Variants in HERC2 observed in about 807,000 individuals in gnomAD.
HERC2 encodes the protein HECT and RLD domain containing E3 ubiquitin protein ligase 2, also known as E3 ubiquitin-protein ligase HERC2.
A neutral mutation model predicts 537.7 loss-of-function variants in HERC2; 102 were observed. The ratio of observed to expected loss-of-function variants is 0.19; its 90% CI spans 0.16 to 0.22. HERC2 has a LOEUF of 0.22. Among genes scored for constraint, HERC2 ranks in the 10% least tolerant of loss-of-function variants. The pLI, the probability that HERC2 is intolerant of heterozygous loss-of-function variation, is 1.00. For synonymous variants in HERC2, 2,224 were observed against 2,466.2 expected (o/e 0.90, Z 2.91); for missense variants, 4,236 against 6,198.2 (o/e 0.68, Z 10.63).
chr15:28,230,550 A>G, intron 30 of HERC2, 50 bp from the exon 31 acceptor site: 1 of 1,055,418 alleles, frequency 9.5e-7, no homozygotes, highest in Non-Finnish European at 1.4e-6. Context: ...TTAAATATTA[A>G]TTTTAAATTA....
chr15:28,199,379 C>T (rs1197890302), intron 48 of HERC2, among the ~76,000 whole-genome samples: 1 of 152,164 alleles, frequency 6.6e-6, no homozygotes. Flanking sequence ...ACATCACACC[C>T]TAAAAGCCAA....
intron 50 of HERC2, among the ~76,000 whole-genome samples, chr15:28,197,835 G>A (rs1897499110): frequency 6.6e-6 from 1 of 152,152 alleles, no homozygotes; most frequent in Non-Finnish European, 1.5e-5. Flanking sequence ...TACAGAACAC[G>A]AACATCAGGT....
In HERC2 at chr15:28,280,281, T is replaced by C; in HGVS notation, c.329A>G (p.Asn110Ser). 1 of 1,607,144 alleles carries C rather than the reference T, an allele frequency of 6.2e-7. No homozygotes were observed. Among genetic ancestry groups the C allele is most frequent in the South Asian group, 1.1e-5 (1 of 89,582 alleles). Residue 110 changes from asparagine to serine, a missense_variant, in exon 5 of 93, where the codon AAT (asparagine) becomes AGT (serine). Around this residue, in one of 27 missense-constraint regions of HERC2, gnomAD observed 491 missense variants for 559.3 expected, o/e 0.88. Coordinates refer to ENST00000261609, the MANE Select transcript of HERC2 (RefSeq NM_004667.6). ...CACAGAAAGACACTCCTTCAGTTCATTCACATCTAGAAAATAAGACAAGAA... is the reference window on the plus strand; with the variant it reads ...CACAGAAAGACACTCCTTCAGTTCACTCACATCTAGAAAATAAGACAAGAA... The part of the protein sequence containing the change: ...SWVWGKQPDV[N>S]ELKECLSVLV...
At chr15:28,162,691 C>T (rs1168160110) in intron 69 of HERC2, among the ~76,000 whole-genome samples, 2 of 152,082 alleles carry the variant, frequency 1.3e-5, no homozygotes, top group South Asian at 4.2e-4. Context: ...AGATCAAGAC[C>T]ATCCTGGCTA....
At chr15:28,248,347 A>G (rs758383066) in intron 21 of HERC2, among the ~76,000 whole-genome samples, 10 of 152,220 alleles carry the variant, frequency 6.6e-5, no homozygotes, top group Non-Finnish European at 1.3e-4. Context: ...GAATTTAAAT[A>G]TTAAGGCAAC....
chr15:28,274,242 A>C, intron 7 of HERC2, 49 bp downstream of exon 7: 3 of 1,599,930 alleles, frequency 1.9e-6, no homozygotes, highest in East Asian at 2.2e-5. Flanking sequence ...AACCAGCCTC[A>C]AGCAGGCCAG....
At position 28,141,810 on chromosome 15, in the gene HERC2, C is replaced by T. The variant is rs1891254955; in HGVS notation, c.11737G>A (p.Glu3913Lys). The change falls in exon 77 of 93, where the codon GAA (glutamate) becomes AAA (lysine). Residue 3913 changes from glutamate (E) to lysine (K), a missense_variant. Coordinates refer to ENST00000261609, the MANE Select transcript of HERC2 (RefSeq NM_004667.6). ...CTCTCATGCAGAACATCCATGTTTT[C>T]GCTGTCTGCCATTAATTCACGAATT... ...KKIRELMADS[E>K]NMDVLHESHD... 3.1e-6 allele frequency: 5 copies of T among 1,614,142 alleles called. No homozygotes were observed. The highest frequency in any genetic ancestry group is 2.2e-5 in the South Asian group (2 of 91,048).
At chr15:28,305,957 G>T (rs1324385937) in intron 2 of HERC2, among the ~76,000 whole-genome samples, 3 of 152,182 alleles carry the variant, frequency 2.0e-5, no homozygotes, top group Non-Finnish European at 4.4e-5. Flanking sequence ...TCAGAGAAAT[G>T]CAAATCAAAA....
intron 31 of HERC2, among the ~76,000 whole-genome samples, 156 bp from the exon 32 acceptor site, chr15:28,230,003 A>G (rs1015516518): frequency 1.3e-5 from 2 of 152,260 alleles, no homozygotes; most frequent in Non-Finnish European, 1.5e-5. Flanking sequence ...AAATATACTT[A>G]TAAGTGATTT....
At position 28,251,176 on chromosome 15, in the gene HERC2, C is replaced by T. The variant is rs548479494; in HGVS notation, c.3051-2440G>A. 2.6e-5 allele frequency among the ~76,000 whole-genome samples: 4 copies of T among 152,308 alleles called. No homozygotes were observed. In the East Asian group the frequency reaches 7.7e-4, roughly 29 times the overall value. ...TAATAAATGTGGCCAGGTGCAGTGGCTCACACCTGTAATCCCAACACTTTT... is the reference window on the plus strand; with the variant it reads ...TAATAAATGTGGCCAGGTGCAGTGGTTCACACCTGTAATCCCAACACTTTT... On this transcript the variant is annotated intron_variant, in intron 20 of 92. Coordinates refer to ENST00000261609, the MANE Select transcript of HERC2 (RefSeq NM_004667.6).
At chr15:28,273,596 A>G (rs552014319) in intron 7 of HERC2, among the ~76,000 whole-genome samples, 2 of 152,186 alleles carry the variant, frequency 1.3e-5, no homozygotes, top group Non-Finnish European at 2.9e-5. Context: ...TCCAGCGTTA[A>G]AACTCTGTGG....
intron 68 of HERC2, among the ~76,000 whole-genome samples, 199 bp from the exon 69 acceptor site, chr15:28,163,484 C>G (rs887032975): frequency 6.6e-6 from 1 of 152,064 alleles, no homozygotes; most frequent in African/African-American, 2.4e-5. Flanking sequence ...TTTTCAAGAC[C>G]AATTAACTGT....
At chr15:28,276,192 C>CAAAAAAAAA (rs11359639) in intron 5 of HERC2, among the ~76,000 whole-genome samples, 68 of 70,096 alleles carry the variant, frequency 9.7e-4, no homozygotes, top group East Asian at 1.5e-3. Context: ...TCTCAAAAAA[C>CAAAAAAAAA]AAAAAAAAAA....
intron 16 of HERC2, among the ~76,000 whole-genome samples, chr15:28,258,669 C>T (rs1347733117): frequency 5.3e-5 from 8 of 152,008 alleles, no homozygotes; most frequent in Non-Finnish European, 1.0e-4. Flanking sequence ...TCTAAGTTTC[C>T]GCCTTAAGAA....
intron 4 of HERC2, among the ~76,000 whole-genome samples, chr15:28,286,793 T>C (rs1158501795): frequency 6.6e-6 from 1 of 152,164 alleles, no homozygotes; most frequent in Non-Finnish European, 1.5e-5. Flanking sequence ...CCCTTTTCAT[T>C]AGACAAAAAG....
chr15:28,179,590 A>G (rs938636954), intron 57 of HERC2, among the ~76,000 whole-genome samples: 5 of 152,202 alleles, frequency 3.3e-5, no homozygotes, highest in African/African-American at 1.2e-4. Context: ...ACTTTCTATC[A>G]TTCTTTTAGA....
chr15:28,274,988 T>C lies in HERC2; in HGVS notation c.560A>G (p.Lys187Arg), dbSNP rs776565898. The change falls in exon 6 of 93, where the codon AAA (lysine) becomes AGA (arginine). Residue 187 changes from lysine (K) to arginine (R), a missense_variant. Physicochemically the swap from Lys to Arg is conservative, Grantham distance 26. Around this residue, in one of 27 missense-constraint regions of HERC2, gnomAD observed 491 missense variants for 559.3 expected, o/e 0.88. Coordinates refer to ENST00000261609, the MANE Select transcript of HERC2 (RefSeq NM_004667.6). ...VDKKSSRPAG[K>R]GVEGLARVGS... ...CACTCTGGCGAGCCCCTCCACACCT[T>C]TGCCCGCAGGCCGGGAACTGCAGAC... The C allele has an allele frequency of 1.1e-5, 17 of 1,607,180 alleles. No individual in the cohort carries two copies. The highest frequency in any genetic ancestry group is 4.0e-5 in the African/African-American group (3 of 74,920).
At chr15:28,258,490 A>C (rs558003099) in intron 16 of HERC2, among the ~76,000 whole-genome samples, 26 of 152,186 alleles carry the variant, frequency 1.7e-4, no homozygotes, top group Middle Eastern at 3.4e-3. Flanking sequence ...TAATAATAAT[A>C]ATCATCCATG....
intron 30 of HERC2, 63 bp downstream of exon 30, chr15:28,233,083 G>C: frequency 7.8e-7 from 1 of 1,276,320 alleles, no homozygotes; most frequent in Non-Finnish European, 1.1e-6. Context: ...TGAAATCACA[G>C]ATCCAATGTG....
Sources: allele counts gnomAD v4.1 joint callset (sites outside exome capture counted in the v4.1 genomes callset), GRCh38; gene constraint gnomAD v4.1.1; regional missense constraint gnomAD v4.1.1; transcripts MANE v1.5; gene names NCBI Gene and HGNC (gene_info 2026-07-23, HGNC 2026-07-21).